BICRA: variants seen among roughly 807,000 people sequenced by gnomAD.
BICRA encodes BRD4-interacting chromatin-remodeling complex-associated protein.
BICRA carries 31 observed loss-of-function variants against 96.9 expected under a neutral mutation model. The ratio of observed to expected loss-of-function variants is 0.32; its 90% CI spans 0.24 to 0.43. The LOEUF (loss-of-function observed/expected upper bound fraction) is 0.43. BICRA is among the 20% of genes least tolerant of loss of function. The pLI is 1.00. For synonymous variants in BICRA, 1,350 were observed against 1,071.8 expected (o/e 1.26, Z -5.07); for missense variants, 2,283 against 2,190.3 (o/e 1.04, Z -0.84).
At position 47,701,398 on chromosome 19, in the gene BICRA, C is replaced by T. The variant is rs368868391; in HGVS notation, c.3666C>T (p.Pro1222=). The change falls in exon 15 of 15, where the codon CCC becomes CCT. Residue 1222 remains proline (P), a synonymous_variant. Coordinates refer to ENST00000594866, the MANE Select transcript of BICRA (RefSeq NM_001394372.1). This position sits in a 1 kb window ranked among gnomAD's most constrained non-coding sequence, Gnocchi z 5.4. ...CCTCTTCCGAGGGTCATCGGCTTCC[C>T]GGCCACGGCCCCCTGTCGTCTTCAG... The part of the protein sequence containing the change: ...IAASSEGHRL[P]GHGPLSSSAP... 1.7e-5 allele frequency: 28 copies of T among 1,603,746 alleles called. 1 individual carries two copies. Among genetic ancestry groups the T allele is most frequent in the Middle Eastern group, 1.6e-4 (1 of 6,080 alleles).
chr19:47,669,891 C>T (rs1026787595), intron 1 of BICRA, among the ~76,000 whole-genome samples: 2 of 151,728 alleles, frequency 1.3e-5, no homozygotes, highest in Admixed American at 6.6e-5. Context: ...CTCCTGACCT[C>T]GCGATCCACC....
Position 47,702,651 on chromosome 19 carries a change from G to A in BICRA, c.*236G>A, listed in dbSNP as rs543677946. The A allele has an allele frequency of 1.9e-6, 1 of 523,936 alleles. No homozygotes were observed. The highest frequency in any genetic ancestry group is 2.8e-5 in the South Asian group (1 of 36,362). The allele number at this position is 523,936 out of a possible 1,614,324, so 32.5% of individuals were successfully genotyped here. ...TAAAACGTCTCCCCTGCCAAAGGAG[G>A]GGCAAAGTGCTGTGTCAGTTCCTGT... is the stretch of plus-strand genomic sequence containing the variant. On this transcript the variant is annotated 3_prime_UTR_variant, in exon 15 of 15. Coordinates refer to ENST00000594866, the MANE Select transcript of BICRA (RefSeq NM_001394372.1).
rs188131236 is a variant in BICRA at position 47,630,296 on chromosome 19, G to A, written c.-108+21128G>A. On this transcript the variant is annotated intron_variant, in intron 1 of 14. Transcript: ENST00000594866. Reference sequence around the variant, plus strand: ...CTGCCTCAGCCTTCTGAGTAGCTGGGACTATAGGCGTCCGCCACCACGCCT... The same window carrying A: ...CTGCCTCAGCCTTCTGAGTAGCTGGAACTATAGGCGTCCGCCACCACGCCT... Among the ~76,000 whole-genome samples, 926 of 151,648 alleles carry A rather than the reference G, an allele frequency of 6.1e-3. 5 individuals are homozygous for A. Among genetic ancestry groups the A allele is most frequent in the Non-Finnish European group, 8.7e-3 (591 of 67,912 alleles).
rs1599825118 is a variant in BICRA at position 47,657,817 on chromosome 19, G to A, written c.-107-12626G>A. Among the ~76,000 whole-genome samples the A allele has an allele frequency of 2.0e-5, 3 of 152,030 alleles. No individual in the cohort carries two copies. The East Asian group carries it at 5.8e-4, about 29-fold the overall frequency. ...ATATATTTAACTTTACTTAATCCAGGCTTTAATTCTCTTCTGGGACAAGAT... is the reference window on the plus strand; with the variant it reads ...ATATATTTAACTTTACTTAATCCAGACTTTAATTCTCTTCTGGGACAAGAT... On this transcript the variant is annotated intron_variant, in intron 1 of 14. Transcript: ENST00000594866.
chr19:47,641,810 C>G (rs1219332201), intron 1 of BICRA, among the ~76,000 whole-genome samples: 1 of 151,952 alleles, frequency 6.6e-6, no homozygotes, highest in African/African-American at 2.4e-5. Flanking sequence ...TTTTTCCTTG[C>G]AATATTAAGT....
At chr19:47,652,349 C>A (rs1972552707) in intron 1 of BICRA, among the ~76,000 whole-genome samples, 1 of 152,124 alleles carries the variant, frequency 6.6e-6, no homozygotes, top group Non-Finnish European at 1.5e-5. Context: ...CCACACCCAG[C>A]TATTTTTTTA....
chr19:47,608,243 C>T (rs1181976885), upstream of BICRA: 1 of 152,258 alleles, frequency 6.6e-6, no homozygotes, highest in Non-Finnish European at 1.5e-5. Context: ...GCCCGACCCG[C>T]CTCCCCGGCG....
rs1972514070 is a variant in BICRA at position 47,649,659 on chromosome 19, T to C, written c.-107-20784T>C. Among the ~76,000 whole-genome samples the C allele has an allele frequency of 2.6e-5, 4 of 152,114 alleles. No individual in the cohort carries two copies. The South Asian group carries it at 8.3e-4, about 32-fold the overall frequency. ...AAGGAGAACCAGGCACATTAAGACA[T>C]GGTATGAGGTCGATATGGCCAATGG... is the stretch of plus-strand genomic sequence containing the variant. On this transcript the variant is annotated intron_variant, in intron 1 of 14. Transcript: ENST00000594866.
At position 47,679,188 on chromosome 19, in the gene BICRA, A is replaced by C. The variant is rs1972986792; in HGVS notation, c.151-133A>C. 14 of 553,864 alleles carry C rather than the reference A, an allele frequency of 2.5e-5. No individual in the cohort carries two copies. In the East Asian group the frequency reaches 4.8e-4, roughly 19 times the overall value. 34.3% of individuals were successfully genotyped at this position (553,864 alleles called of 1,614,324 possible). Reference sequence around the variant, plus strand: ...AGTGCTGAGATTACAAGCGTGAACCACCATGCCAGGAGGGAATGTTCTTTC... The same window carrying C: ...AGTGCTGAGATTACAAGCGTGAACCCCCATGCCAGGAGGGAATGTTCTTTC... On this transcript the variant is annotated intron_variant, in intron 5 of 14. Transcript: ENST00000594866.
intron 1 of BICRA, among the ~76,000 whole-genome samples, chr19:47,618,395 G>C (rs577234493): frequency 3.4e-4 from 52 of 152,268 alleles, no homozygotes; most frequent in Admixed American, 2.0e-3. Context: ...ATACTTATTT[G>C]GATGACCTTA....
chr19:47,642,683 C>T (rs1972400985), intron 1 of BICRA, among the ~76,000 whole-genome samples: 1 of 151,894 alleles, frequency 6.6e-6, no homozygotes, highest in Admixed American at 6.6e-5. Flanking sequence ...GCCTGGGTGA[C>T]AAAGTGAGAC....
intron 1 of BICRA, among the ~76,000 whole-genome samples, chr19:47,637,661 A>G (rs1268647196): frequency 1.3e-5 from 2 of 152,116 alleles, no homozygotes; most frequent in Non-Finnish European, 2.9e-5. Context: ...TTCTCACCCT[A>G]AAAGGAAACC....
chr19:47,683,883 C>T (rs1191424298), intron 7 of BICRA, among the ~76,000 whole-genome samples: 1 of 152,186 alleles, frequency 6.6e-6, no homozygotes, highest in Admixed American at 6.6e-5. Context: ...CGCACCTGGC[C>T]TACCTTCTTA....
At chr19:47,673,369 A>T (rs989137105) in intron 2 of BICRA, among the ~76,000 whole-genome samples, 2 of 151,974 alleles carry the variant, frequency 1.3e-5, no homozygotes, top group African/African-American at 4.8e-5. Context: ...GAGTGGGAGG[A>T]AAAGGACCCT....
chr19:47,688,544 A>G (rs1396781564), intron 7 of BICRA, among the ~76,000 whole-genome samples: 1 of 152,140 alleles, frequency 6.6e-6, no homozygotes, highest in East Asian at 1.9e-4. Flanking sequence ...TAATCCCAAC[A>G]TTTTGGGAAG....
chr19:47,654,017 G>A (rs753718648), intron 1 of BICRA, among the ~76,000 whole-genome samples: 3 of 152,050 alleles, frequency 2.0e-5, no homozygotes, highest in Non-Finnish European at 2.9e-5. Context: ...TTTTTGTGTG[G>A]ACATATGTTT....
intron 1 of BICRA, among the ~76,000 whole-genome samples, chr19:47,659,607 G>T (rs1972672644): frequency 6.6e-6 from 1 of 150,802 alleles, no homozygotes; most frequent in Non-Finnish European, 1.5e-5. Context: ...ACCTGGACTG[G>T]ATTTGATGCC....
intron 1 of BICRA, among the ~76,000 whole-genome samples, chr19:47,646,203 C>T (rs148675612): frequency 9.2e-5 from 14 of 152,296 alleles, no homozygotes; most frequent in African/African-American, 3.1e-4. Context: ...GGGGTACGTC[C>T]AGCATGCGGA....
intron 6 of BICRA, 111 bp from the exon 7 acceptor site, chr19:47,681,865 T>C: frequency 1.3e-6 from 1 of 759,528 alleles, no homozygotes; most frequent in Non-Finnish European, 2.1e-6. Context: ...GGCTGCCCAC[T>C]ACCCCATTCT....
Sources: allele counts gnomAD v4.1 joint callset (sites outside exome capture counted in the v4.1 genomes callset), GRCh38; gene constraint gnomAD v4.1.1; non-coding constraint Gnocchi (gnomAD v3.1); transcripts MANE v1.5; gene names NCBI Gene and HGNC (gene_info 2026-07-23, HGNC 2026-07-21).